The following MCM5 variants were observed in gnomAD, a reference collection of about 807,000 sequenced individuals.
MCM5 encodes minichromosome maintenance complex component 5, also known as DNA replication licensing factor MCM5.
A neutral mutation model predicts 79.9 loss-of-function variants in MCM5; 46 were observed. That is an observed-to-expected ratio of 0.58 (90% CI 0.45 to 0.74). The LOEUF (loss-of-function observed/expected upper bound fraction) is 0.74, where lower values mean the gene tolerates loss of function less well. MCM5 is among the 30% of genes least tolerant of loss of function. The pLI, the probability that MCM5 is intolerant of heterozygous loss-of-function variation, is 0.00. For missense variants in MCM5, 883 were observed against 1,017.0 expected, an observed-to-expected ratio of 0.87 and a Z score of 1.79; for synonymous variants, 404 against 390.5, an observed-to-expected ratio of 1.03 and a Z score of -0.41.
At chr22:35,434,780 A>G in the MCM5 span, among the ~76,000 whole-genome samples, 5 of 152,202 alleles carry the variant, frequency 3.3e-5, no homozygotes, top group African/African-American at 1.2e-4. Flanking sequence ...TTCACCACTA[A>G]TAGCCTGGGA....
chr22:35,452,471 T>C, the MCM5 span, among the ~76,000 whole-genome samples: 2 of 152,120 alleles, frequency 1.3e-5, no homozygotes, highest in Admixed American at 6.5e-5. Context: ...CAGATGTGTG[T>C]TGAATAAACA....
chr22:35,444,184 A>AAC, the MCM5 span, among the ~76,000 whole-genome samples: 4 of 129,748 alleles, frequency 3.1e-5, no homozygotes, highest in East Asian at 8.4e-4. Flanking sequence ...AGAGAGAGAG[A>AAC]AGAGAACAGA....
downstream of MCM5, among the ~76,000 whole-genome samples, chr22:35,427,526 TA>T (rs1290295067): frequency 6.6e-6 from 1 of 151,930 alleles, no homozygotes; most frequent in African/African-American, 2.4e-5. Flanking sequence ...TCAAGGCCTT[TA>T]TTTTTTTATT....
At chr22:35,409,589 A>C (rs1477981251) in intron 6 of MCM5, 2 of 152,224 alleles carry the variant, frequency 1.3e-5, no homozygotes, top group African/African-American at 4.8e-5. Context: ...GGAAAACAAA[A>C]AAGATTCTAC....
At chr22:35,438,328 T>TCCATCC in the MCM5 span, among the ~76,000 whole-genome samples, 7 of 134,882 alleles carry the variant, frequency 5.2e-5, no homozygotes, top group Admixed American at 1.5e-4. Flanking sequence ...TCCGTCCATC[T>TCCATCC]ATCCATCCAT....
the MCM5 span, among the ~76,000 whole-genome samples, chr22:35,454,900 G>A: frequency 1.3e-5 from 2 of 152,072 alleles, no homozygotes; most frequent in Non-Finnish European, 2.9e-5. Context: ...GCATCCTTCA[G>A]TTGTGACCAC....
chr22:35,419,049 GGGGC>G (rs1601761813), intron 13 of MCM5, among the ~76,000 whole-genome samples: 1 of 152,198 alleles, frequency 6.6e-6, no homozygotes, highest in East Asian at 1.9e-4. Flanking sequence ...CTACCAGTGG[GGGGC>G]TGGTGGGTCC....
the MCM5 span, among the ~76,000 whole-genome samples, chr22:35,436,374 C>T: frequency 2.0e-5 from 3 of 152,122 alleles, no homozygotes; most frequent in Non-Finnish European, 4.4e-5. Context: ...TACCTCCACA[C>T]GCTGTTACAT....
At chr22:35,435,212 A>C in the MCM5 span, among the ~76,000 whole-genome samples, 124,705 of 152,148 alleles carry the variant, frequency 0.82, 51,703 homozygotes, top group African/African-American at 0.89. Flanking sequence ...GAGTTTGAAT[A>C]CAGGCCTCCC....
downstream of MCM5, among the ~76,000 whole-genome samples, chr22:35,429,542 CTT>C (rs1212636597): frequency 6.8e-6 from 1 of 147,776 alleles, no homozygotes; most frequent in Admixed American, 6.8e-5. Flanking sequence ...TTTGTTCTTC[CTT>C]TTTTTTTTAA....
At chr22:35,450,378 G>T in the MCM5 span, among the ~76,000 whole-genome samples, 2 of 151,960 alleles carry the variant, frequency 1.3e-5, no homozygotes, top group African/African-American at 4.8e-5. Flanking sequence ...GAAAGCCCTC[G>T]CAGGAAGACC....
At chr22:35,427,661 T>C (rs918792614), downstream of MCM5, among the ~76,000 whole-genome samples, 2 of 152,166 alleles carry the variant, frequency 1.3e-5, no homozygotes, top group Non-Finnish European at 2.9e-5. Context: ...ACCCGTCATC[T>C]ACATTAGGTA....
rs919502307 is a variant in MCM5, at chr22:35,400,178, C to G, written c.-39C>G. ...CGGCTGAGCGTGGAGGTTCTTGTCT[C>G]CCCTGGTTTGTGAAGTGCGGAAAAC... is the stretch of plus-strand genomic sequence containing the variant. On this transcript the variant is annotated 5_prime_UTR_variant, in exon 1 of 17. Coordinates refer to ENST00000216122, the MANE Select transcript of MCM5 (RefSeq NM_006739.4). 4.0e-6 allele frequency: 2 copies of G among 499,260 alleles called. No individual in the cohort carries two copies. The highest frequency in any genetic ancestry group is 3.4e-5 in the Admixed American group (1 of 28,990). The allele number at this position is 499,260 out of a possible 1,614,324, so 30.9% of individuals were successfully genotyped here.
chr22:35,451,779 A>T, the MCM5 span, among the ~76,000 whole-genome samples: 1 of 152,186 alleles, frequency 6.6e-6, no homozygotes, highest in Non-Finnish European at 1.5e-5. Flanking sequence ...GGTAAAAAGG[A>T]TGAGCCCCTC....
chr22:35,424,448 C>G lies in MCM5; in HGVS notation c.*193C>G, dbSNP rs1932758678. The G allele has an allele frequency of 1.9e-6, 1 of 524,842 alleles. No individual in the cohort carries two copies. The highest frequency in any genetic ancestry group is 3.9e-5 in the Admixed American group (1 of 25,522). The allele number at this position is 524,842 out of a possible 1,614,324, so 32.5% of individuals were successfully genotyped here. A position where few individuals can be genotyped will look rare whatever the true frequency, so the allele number is the denominator to read the frequency against. On this transcript the variant is annotated 3_prime_UTR_variant, in exon 17 of 17. Transcript: ENST00000216122. ...CTGGGCGCCCGCCTCTAGCGCGGTT[C>G]TGGGAAGTGTGCTTTTGGCATCCGT...
chr22:35,404,476 T>TA (rs907771195), intron 4 of MCM5, among the ~76,000 whole-genome samples: 2 of 152,186 alleles, frequency 1.3e-5, no homozygotes, highest in Admixed American at 1.3e-4. Flanking sequence ...GGTTACAACA[T>TA]ACCCCTTCCC....
the MCM5 span, among the ~76,000 whole-genome samples, chr22:35,439,143 A>G: frequency 2.8e-5 from 4 of 142,106 alleles, no homozygotes; most frequent in African/African-American, 8.0e-5. Context: ...ATCCACTCAC[A>G]TATTCATCCA....
chr22:35,414,658 A>G (rs1305140165), intron 9 of MCM5, among the ~76,000 whole-genome samples: 2 of 151,786 alleles, frequency 1.3e-5, no homozygotes, highest in Non-Finnish European at 2.9e-5. Context: ...AATAATAGCT[A>G]AAATGAAGGG....
At chr22:35,427,596 G>A (rs990800334), downstream of MCM5, among the ~76,000 whole-genome samples, 5 of 149,322 alleles carry the variant, frequency 3.3e-5, no homozygotes, top group East Asian at 5.9e-4. Flanking sequence ...TGTGCAGAAC[G>A]TAAAGTTTTG....
Sources: allele counts gnomAD v4.1 joint callset (sites outside exome capture counted in the v4.1 genomes callset), GRCh38; gene constraint gnomAD v4.1.1; transcripts MANE v1.5; gene names NCBI Gene and HGNC (gene_info 2026-07-23, HGNC 2026-07-21).